The following GYS2 variants were observed in gnomAD, a reference collection of about 807,000 sequenced individuals.
The protein encoded by GYS2 is glycogen [starch] synthase, liver.
A neutral mutation model predicts 85.6 loss-of-function variants in GYS2; 80 were observed. That is an observed-to-expected ratio of 0.93 (90% CI 0.78 to 1.13). GYS2 has a LOEUF of 1.13. Ranked by LOEUF, GYS2 falls within the 50% of genes most tolerant of loss-of-function variation. The probability of loss-of-function intolerance (pLI) is 0.00; values close to 1 mark genes in which losing one functional copy is unlikely to be tolerated. For synonymous variants in GYS2, 328 were observed against 300.7 expected, an observed-to-expected ratio of 1.09 and a Z score of -0.94; for missense variants, 881 against 854.9, an observed-to-expected ratio of 1.03 and a Z score of -0.38.
intron 10 of GYS2, among the ~76,000 whole-genome samples, chr12:21,558,852 A>G (rs1202242502): frequency 2.6e-5 from 4 of 152,226 alleles, no homozygotes; most frequent in African/African-American, 4.8e-5. Flanking sequence ...TGAATATATT[A>G]ATTCAAAAAT....
intron 1 of GYS2, among the ~76,000 whole-genome samples, chr12:21,593,523 TTAA>T (rs1354952902): frequency 6.6e-5 from 10 of 151,778 alleles, no homozygotes; most frequent in Admixed American, 3.9e-4. Flanking sequence ...CTAGAGGAAA[TTAA>T]TAAATTTCTG....
At chr12:21,559,841 T>C (rs1944230492) in intron 8 of GYS2, 131 bp from the exon 9 acceptor site, 1 of 691,858 alleles carries the variant, frequency 1.4e-6, no homozygotes, top group Non-Finnish European at 2.5e-6. Flanking sequence ...ATCTTTTTTA[T>C]AGTCTCTTCT....
Position 21,536,703 on chromosome 12 carries a change from G to A in GYS2, c.*251C>T, listed in dbSNP as rs189034646. 9.0e-5 allele frequency: 46 copies of A among 511,154 alleles called. No homozygotes were observed. Among genetic ancestry groups the A allele is most frequent in the Admixed American group, 8.6e-4 (26 of 30,312 alleles). 31.7% of individuals were successfully genotyped at this position (511,154 alleles called of 1,614,324 possible). A position where few individuals can be genotyped will look rare whatever the true frequency, so the allele number is the denominator to read the frequency against. ...TTCACCATTTTAAAAACACTTTTCCGTCTTCTGCCTTTAATGAGTGCTCCT... is the reference window on the plus strand; with the variant it reads ...TTCACCATTTTAAAAACACTTTTCCATCTTCTGCCTTTAATGAGTGCTCCT... On this transcript the variant is annotated 3_prime_UTR_variant, in exon 16 of 16. Coordinates refer to ENST00000261195, the MANE Select transcript of GYS2 (RefSeq NM_021957.4).
chr12:21,538,517 G>C (rs1019808263), intron 15 of GYS2, among the ~76,000 whole-genome samples: 1 of 152,174 alleles, frequency 6.6e-6, no homozygotes, highest in African/African-American at 2.4e-5. Flanking sequence ...AGATTTACAT[G>C]AGATAGAGGC....
At chr12:21,569,724 A>G (rs2136895743) in intron 4 of GYS2, among the ~76,000 whole-genome samples, 1 of 152,346 alleles carries the variant, frequency 6.6e-6, no homozygotes. Flanking sequence ...TAAGAAAAAA[A>G]GAATATGTAA....
In GYS2 at chr12:21,563,323, CA is replaced by C. The variant is rs1944278737; in HGVS notation, c.845del (p.Leu282Ter). The C allele has an allele frequency of 3.7e-6, 6 of 1,604,638 alleles. No individual in the cohort carries two copies. In the Middle Eastern group the frequency reaches 6.6e-4, roughly 178 times the overall value. ...RKPDVVTPNGLNVKKFSAVHE... is the reference protein window; with the variant it reads ...RKPDVVTPNGXNVKKFSAVHE... ...GCACTGCTGAAAATTTCTTAACATT[CA>C]AGCCGTTTGGAGTAACTACATCTAG... On this transcript the variant is annotated frameshift_variant, in exon 6 of 16. Coordinates refer to ENST00000261195, the MANE Select transcript of GYS2 (RefSeq NM_021957.4). LOFTEE classifies it high-confidence loss of function.
At chr12:21,557,713 C>T (rs560800604) in intron 11 of GYS2, among the ~76,000 whole-genome samples, 94 of 152,208 alleles carry the variant, frequency 6.2e-4, no homozygotes, top group African/African-American at 1.9e-3. Flanking sequence ...TCCTGGCTTA[C>T]ATGGTGAAAC....
chr12:21,557,744 A>G (rs1944198495), intron 11 of GYS2, among the ~76,000 whole-genome samples: 1 of 152,050 alleles, frequency 6.6e-6, no homozygotes, highest in Non-Finnish European at 1.5e-5. Flanking sequence ...CTAAAAATAC[A>G]AAAAATTAGC....
At chr12:21,541,858 C>G (rs1361788961) in intron 13 of GYS2, among the ~76,000 whole-genome samples, 1 of 152,040 alleles carries the variant, frequency 6.6e-6, no homozygotes, top group Non-Finnish European at 1.5e-5. Flanking sequence ...CCCCTTCCCC[C>G]ACTCCCCACT....
chr12:21,590,212 G>A (rs1474686871), intron 1 of GYS2, among the ~76,000 whole-genome samples: 2 of 152,112 alleles, frequency 1.3e-5, no homozygotes, highest in African/African-American at 4.8e-5. Context: ...ATTCACTCAG[G>A]CATTCTGCTG....
chr12:21,586,563 C>G, intron 1 of GYS2, among the ~76,000 whole-genome samples: 1 of 151,870 alleles, frequency 6.6e-6, no homozygotes, highest in East Asian at 1.9e-4. Context: ...GGCCAATAAA[C>G]GTCAAAAAAA....
chr12:21,604,812 G>C lies in GYS2; in HGVS notation c.-220C>G. 1 of 1,317,886 alleles carries C rather than the reference G, an allele frequency of 7.6e-7. No individual in the cohort carries two copies. The allele number at this position is 1,317,886 out of a possible 1,614,324, so 81.6% of individuals were successfully genotyped here. ...CTCCTCTTTCTCGTCTTTCTGGGCA[G>C]GTATTGTGAGGACGGTATCTGCCCT... is the stretch of plus-strand genomic sequence containing the variant. On this transcript the variant is annotated 5_prime_UTR_variant, in exon 1 of 16. Coordinates refer to ENST00000261195, the MANE Select transcript of GYS2 (RefSeq NM_021957.4).
At chr12:21,547,933 T>A (rs1944061075) in intron 11 of GYS2, among the ~76,000 whole-genome samples, 1 of 152,186 alleles carries the variant, frequency 6.6e-6, no homozygotes, top group Non-Finnish European at 1.5e-5. Context: ...GCAAACTCTA[T>A]TAAAAGTGGA....
chr12:21,549,575 G>C (rs892328861), intron 11 of GYS2, among the ~76,000 whole-genome samples: 1 of 152,194 alleles, frequency 6.6e-6, no homozygotes, highest in South Asian at 2.1e-4. Context: ...CATCGCTTTA[G>C]AGTCCTTCAA....
intron 1 of GYS2, among the ~76,000 whole-genome samples, chr12:21,592,464 A>C (rs1944650885): frequency 6.6e-6 from 1 of 152,098 alleles, no homozygotes; most frequent in Non-Finnish European, 1.5e-5. Flanking sequence ...CTTCCATACA[A>C]AGAGAAACCA....
chr12:21,580,326 G>C lies in GYS2; in HGVS notation c.303+16C>G, dbSNP rs751632507. ...AGTTTACTGAGAATTGCCAAGTGAA[G>C]TGTCAGTTCCTTTACCTGGCAGCCA... On this transcript the variant is annotated intron_variant, in intron 2 of 15. Coordinates refer to ENST00000261195, the MANE Select transcript of GYS2 (RefSeq NM_021957.4). 2 of 1,604,718 alleles carry C rather than the reference G, an allele frequency of 1.2e-6. No homozygotes were observed.
At chr12:21,590,862 A>G (rs1376707114) in intron 1 of GYS2, among the ~76,000 whole-genome samples, 2 of 152,124 alleles carry the variant, frequency 1.3e-5, no homozygotes, top group African/African-American at 4.8e-5. Flanking sequence ...AAAATCACAG[A>G]CACTGATGAT....
intron 3 of GYS2, 77 bp from the exon 4 acceptor site, chr12:21,574,403 G>T (rs1000753437): frequency 5.7e-6 from 6 of 1,058,570 alleles, no homozygotes; most frequent in Non-Finnish European, 8.8e-6. Context: ...ATCATAAGTG[G>T]AGTTATGGTG....
intron 4 of GYS2, 61 bp downstream of exon 4, chr12:21,574,083 C>T (rs765145153): frequency 2.3e-6 from 3 of 1,308,788 alleles, no homozygotes; most frequent in Non-Finnish European, 3.3e-6. Flanking sequence ...CAATACTTAT[C>T]TTTCAGCTTC....
Sources: gnomAD v4.1 joint callset for allele counts (sites outside exome capture counted in the v4.1 genomes callset) on GRCh38, gnomAD v4.1.1 for gene constraint, MANE v1.5 for transcripts, NCBI Gene and HGNC (gene_info 2026-07-23, HGNC 2026-07-21) for gene names.